The following DPP6 variants were observed in gnomAD, a reference collection of about 807,000 sequenced individuals.
The protein encoded by DPP6 is dipeptidyl peptidase like 6.
A neutral mutation model predicts 122.6 loss-of-function variants in DPP6; 69 were observed. The ratio of observed to expected loss-of-function variants is 0.56; its 90% CI spans 0.46 to 0.69. The LOEUF is 0.69. Ranked by LOEUF, DPP6 falls within the 30% of genes least tolerant of loss-of-function variation. The pLI is 0.00. For missense variants in DPP6, 928 were observed against 1,116.9 expected, an observed-to-expected ratio of 0.83 and a Z score of 2.41; for synonymous variants, 418 against 433.1, an observed-to-expected ratio of 0.97 and a Z score of 0.43.
intron 5 of DPP6, among the ~76,000 whole-genome samples, chr7:154,625,989 A>G (rs1257073729): frequency 1.3e-5 from 2 of 152,206 alleles, no homozygotes; most frequent in East Asian, 1.9e-4. Context: ...CAAAGGCAGT[A>G]AAGTAGGAGG....
intron 1 of DPP6, among the ~76,000 whole-genome samples, chr7:154,131,683 A>G (rs1327921905): frequency 1.3e-5 from 2 of 152,290 alleles, no homozygotes; most frequent in Non-Finnish European, 2.9e-5. Flanking sequence ...TGGAGGAACT[A>G]ACCTCGTCTG....
intron 1 of DPP6, among the ~76,000 whole-genome samples, chr7:154,256,620 A>T (rs1033522556): frequency 6.6e-6 from 1 of 152,128 alleles, no homozygotes; most frequent in Non-Finnish European, 1.5e-5. Context: ...GTTCTTAAAT[A>T]TTTTTTCCAA....
At chr7:153,816,945 G>A in the DPP6 span, among the ~76,000 whole-genome samples, 1 of 152,082 alleles carries the variant, frequency 6.6e-6, no homozygotes, top group Non-Finnish European at 1.5e-5. Flanking sequence ...ACCAGCGGGA[G>A]AGAAAGAACT....
At chr7:154,533,467 C>T (rs1464112587) in intron 3 of DPP6, among the ~76,000 whole-genome samples, 1 of 152,166 alleles carries the variant, frequency 6.6e-6, no homozygotes, top group Admixed American at 6.5e-5. Flanking sequence ...AAGAAAACTT[C>T]ATGCCCAGTT....
At chr7:154,277,438 A>C (rs1282094777) in intron 1 of DPP6, among the ~76,000 whole-genome samples, 2 of 152,220 alleles carry the variant, frequency 1.3e-5, no homozygotes, top group African/African-American at 4.8e-5. Context: ...GCTTGGGAAG[A>C]TCTGCCTGTT....
chr7:154,356,958 A>G (rs1811318314), intron 1 of DPP6, among the ~76,000 whole-genome samples: 1 of 152,214 alleles, frequency 6.6e-6, no homozygotes, highest in African/African-American at 2.4e-5. Context: ...TTTACCATCT[A>G]GACAATATTA....
intron 1 of DPP6, among the ~76,000 whole-genome samples, chr7:154,249,826 T>C (rs76493000): frequency 0.039 from 5,946 of 152,146 alleles, 194 homozygotes; most frequent in East Asian, 0.14. Context: ...AGAGTCTAGA[T>C]GATGGAGGCT....
rs1487656113 is a variant in DPP6 at position 154,408,840 on chromosome 7, A to G, written c.244-37374A>G. 5.9e-5 allele frequency among the ~76,000 whole-genome samples: 9 copies of G among 151,476 alleles called. No homozygotes were observed. In the East Asian group the frequency reaches 1.8e-3, roughly 29 times the overall value. On this transcript the variant is annotated intron_variant, in intron 1 of 25. Transcript: ENST00000377770. ...TATGGATTGAATTGTATTCCCCCCA[A>G]CTCAAATTTATATGTTAAGGCCGGG...
chr7:154,802,677 C>A (rs573765433), intron 13 of DPP6, among the ~76,000 whole-genome samples: 60 of 151,984 alleles, frequency 3.9e-4, no homozygotes, highest in African/African-American at 1.3e-3. Context: ...GCCAACATGG[C>A]GAAACAAAAA....
intron 8 of DPP6, among the ~76,000 whole-genome samples, chr7:154,749,872 TGA>T (rs1314556366): frequency 8.4e-6 from 1 of 119,084 alleles, no homozygotes; most frequent in Non-Finnish European, 1.7e-5. Context: ...GGGGCATTAC[TGA>T]GAGAGGGTGA....
At chr7:154,207,893 T>TCCCA (rs1799531564) in intron 1 of DPP6, among the ~76,000 whole-genome samples, 1 of 151,718 alleles carries the variant, frequency 6.6e-6, no homozygotes, top group Non-Finnish European at 1.5e-5. Context: ...AGGCAGAGGT[T>TCCCA]GCAGTGGGCC....
At position 154,449,736 on chromosome 7, in the gene DPP6, G is replaced by A. The variant is rs139268854; in HGVS notation, c.358+3408G>A. On this transcript the variant is annotated intron_variant, in intron 2 of 25. Transcript: ENST00000377770. ...AAATAAATGTGATGTGGCGGGGCGCGGTGGCTCACACCCATAATCCCAGCA... is the reference window on the plus strand; with the variant it reads ...AAATAAATGTGATGTGGCGGGGCGCAGTGGCTCACACCCATAATCCCAGCA... Among the ~76,000 whole-genome samples the A allele has an allele frequency of 3.3e-3, 501 of 152,104 alleles. 2 individuals are homozygous for A. Among genetic ancestry groups the A allele is most frequent in the African/African-American group, 0.011 (452 of 41,490 alleles).
chr7:154,380,056 C>T (rs1813457848), intron 1 of DPP6, among the ~76,000 whole-genome samples: 1 of 151,902 alleles, frequency 6.6e-6, no homozygotes, highest in South Asian at 2.1e-4. Context: ...AGAAACCAAC[C>T]AAAAAGTAAT....
chr7:154,522,168 G>A (rs925211314), intron 3 of DPP6, among the ~76,000 whole-genome samples: 2 of 152,010 alleles, frequency 1.3e-5, no homozygotes, highest in Admixed American at 1.3e-4. Context: ...TAGAGACGGG[G>A]TTTCACCGCG....
intron 3 of DPP6, among the ~76,000 whole-genome samples, chr7:154,492,425 A>G (rs59254685): frequency 0.057 from 8,672 of 152,238 alleles, 811 homozygotes; most frequent in African/African-American, 0.19. Flanking sequence ...TTTAATAGGA[A>G]TTTCAAAAGA....
rs368362408 is a variant in DPP6, at chr7:154,463,195, C to CTTTTTTTTTTTT, written c.359-11725_359-11714dup. Among the ~76,000 whole-genome samples, 28 of 84,132 alleles carry CTTTTTTTTTTTT rather than the reference C, an allele frequency of 3.3e-4. 4 individuals are homozygous for CTTTTTTTTTTTT. The highest frequency in any genetic ancestry group is 1.0e-3 in the East Asian group (3 of 3,000). 55.2% of individuals were successfully genotyped at this position (84,132 alleles called of 152,430 possible). On this transcript the variant is annotated intron_variant, in intron 2 of 25. Transcript: ENST00000377770. ...GCTTTTTACCTTTACTTCTCCTTTT[C>CTTTTTTTTTTTT]TTTTTTTTTTTTTTTTTTTTTTTTT...
chr7:154,441,814 C>T (rs1218456551), intron 1 of DPP6, among the ~76,000 whole-genome samples: 1 of 152,046 alleles, frequency 6.6e-6, no homozygotes, highest in African/African-American at 2.4e-5. Flanking sequence ...AAAATTGGCA[C>T]ACACAAAAGT....
At chr7:153,814,479 C>G in the DPP6 span, among the ~76,000 whole-genome samples, 1 of 152,010 alleles carries the variant, frequency 6.6e-6, no homozygotes, top group Non-Finnish European at 1.5e-5. Context: ...GCTTACCAAC[C>G]AAAAAGAGTC....
chr7:153,875,032 G>A, the DPP6 span, among the ~76,000 whole-genome samples: 1 of 152,100 alleles, frequency 6.6e-6, no homozygotes, highest in African/African-American at 2.4e-5. Flanking sequence ...ACTTCAGATA[G>A]ATTACAACAA....
Sources: allele counts gnomAD v4.1 joint callset (sites outside exome capture counted in the v4.1 genomes callset), GRCh38; gene constraint gnomAD v4.1.1; transcripts MANE v1.5; gene names NCBI Gene and HGNC (gene_info 2026-07-23, HGNC 2026-07-21).